The following CNNM4 variants were observed in gnomAD, a reference collection of about 807,000 sequenced individuals.
The protein encoded by CNNM4 is metal transporter CNNM4.
In CNNM4, 32 loss-of-function variants were observed where a neutral mutation model predicts 53.7. The observed-to-expected ratio is 0.60, with a 90% CI of 0.45 to 0.80. The LOEUF is 0.80. Among genes scored for constraint, CNNM4 ranks in the 30% least tolerant of loss-of-function variants. CNNM4 has a pLI of 0.00. For missense variants in CNNM4, 784 were observed against 1,022.0 expected (o/e 0.77, Z 3.17); for synonymous variants, 410 against 440.0 (o/e 0.93, Z 0.85).
At chr2:96,778,465 G>C (rs2078945112) in intron 1 of CNNM4, among the ~76,000 whole-genome samples, 1 of 151,406 alleles carries the variant, frequency 6.6e-6, no homozygotes, top group South Asian at 2.1e-4. Flanking sequence ...GTCTGAGACA[G>C]AGAATTGCTT....
intron 1 of CNNM4, 39 bp from the exon 2 acceptor site, chr2:96,796,973 C>A: frequency 6.2e-7 from 1 of 1,609,218 alleles, no homozygotes; most frequent in Non-Finnish European, 8.5e-7. Flanking sequence ...TCATGACTGG[C>A]CTCTGGGCTC....
chr2:96,766,877 T>C (rs1005064674), intron 1 of CNNM4, among the ~76,000 whole-genome samples: 2 of 152,026 alleles, frequency 1.3e-5, no homozygotes, highest in Admixed American at 1.3e-4. Context: ...CAAAGAAAAA[T>C]GGGTGTTGTG....
intron 1 of CNNM4, among the ~76,000 whole-genome samples, chr2:96,778,365 G>A (rs2078944299): frequency 6.6e-6 from 1 of 151,290 alleles, no homozygotes; most frequent in African/African-American, 2.4e-5. Context: ...AGACCAGCCT[G>A]GCCAAGATGG....
rs1055148450 is a variant in CNNM4 at position 96,797,831 on chromosome 2, T to C, written c.1681+184T>C. On this transcript the variant is annotated intron_variant, in intron 3 of 6. Transcript: ENST00000377075. This position sits in a 1 kb window ranked among gnomAD's most constrained non-coding sequence, Gnocchi z 6.0. ...CCCCTGGGGATCTCCCTGCGATTCA[T>C]TTGCCATTAATGGGCGGCTACTGCA... Among the ~76,000 whole-genome samples the C allele has an allele frequency of 1.3e-5, 2 of 152,182 alleles. No homozygotes were observed. Among genetic ancestry groups the C allele is most frequent in the Admixed American group, 1.3e-4 (2 of 15,280 alleles).
intron 1 of CNNM4, among the ~76,000 whole-genome samples, chr2:96,782,411 CAAAA>C (rs763103436): frequency 2.5e-5 from 2 of 81,144 alleles, no homozygotes; most frequent in African/African-American, 3.9e-5. Flanking sequence ...GACATTGTCT[CAAAA>C]AAAAAAAAAA....
chr2:96,771,127 C>T (rs1480132285), intron 1 of CNNM4, among the ~76,000 whole-genome samples: 2 of 152,116 alleles, frequency 1.3e-5, no homozygotes, highest in Non-Finnish European at 2.9e-5. Context: ...CTCTCAGCCC[C>T]TGTGTCTGCT....
intron 1 of CNNM4, among the ~76,000 whole-genome samples, chr2:96,787,596 G>GC (rs2079026094): frequency 6.6e-6 from 1 of 152,092 alleles, no homozygotes; most frequent in South Asian, 2.1e-4. Context: ...GGTGACTCAC[G>GC]CCTACAGTCC....
In CNNM4 at chr2:96,808,510, G is replaced by C; in HGVS notation, c.1949-51G>C. 1 of 1,592,924 alleles carries C rather than the reference G, an allele frequency of 6.3e-7. No homozygotes were observed. Among genetic ancestry groups the C allele is most frequent in the Non-Finnish European group, 8.6e-7 (1 of 1,161,392 alleles). On this transcript the variant is annotated intron_variant, in intron 5 of 6. Transcript: ENST00000377075. The surrounding 1 kb of genome is among the most constrained non-coding windows in gnomAD (Gnocchi z 4.9). ...GGGATGAGGTGAGACATGAGGGTGA[G>C]AGTGGGCATCGGAGTGGCCTTTGGC... is the stretch of plus-strand genomic sequence containing the variant.
chr2:96,775,814 C>T (rs2078919052), intron 1 of CNNM4, among the ~76,000 whole-genome samples: 1 of 152,192 alleles, frequency 6.6e-6, no homozygotes, highest in Admixed American at 6.6e-5. Context: ...CAGCCCCCAC[C>T]TCCCAGGCTC....
In CNNM4 at chr2:96,805,638, T is replaced by G. The variant is rs1360610487; in HGVS notation, c.1949-2923T>G. Among the ~76,000 whole-genome samples, 1,082 of 117,862 alleles carry G rather than the reference T, an allele frequency of 9.2e-3. 6 individuals carry two copies. The highest frequency in any genetic ancestry group is 0.015 in the Non-Finnish European group (858 of 57,494). 77.3% of individuals were successfully genotyped at this position (117,862 alleles called of 152,430 possible). ...TCCCTGATTACTTGAGATTAGGGAT[T>G]GGTGATGACTCTTAACGAGCATGCT... On this transcript the variant is annotated intron_variant, in intron 5 of 6. Transcript: ENST00000377075.
chr2:96,761,144 A>G lies in CNNM4; in HGVS notation c.145A>G (p.Met49Val), dbSNP rs148013233. The G allele has an allele frequency of 1.9e-6, 3 of 1,605,080 alleles. No individual in the cohort carries two copies. The highest frequency in any genetic ancestry group is 3.3e-5 in the Admixed American group (2 of 59,728). Residue 49 changes from methionine (M) to valine (V), a missense_variant, in exon 1 of 7, where the codon ATG becomes GTG. By Grantham distance (21) the Met-to-Val change is conservative. Transcript: ENST00000377075. This position sits in a 1 kb window ranked among gnomAD's most constrained non-coding sequence, Gnocchi z 6.0. ...CCCCCAGCAGGGCACGATCGTGGGC[A>G]TGAGGCTGGCGAGCTGCAACAAGTC... ...GSPQQGTIVG[M>V]RLASCNKSCG...
intron 1 of CNNM4, among the ~76,000 whole-genome samples, chr2:96,774,706 G>A (rs1020781747): frequency 1.3e-5 from 2 of 152,124 alleles, no homozygotes; most frequent in African/African-American, 4.8e-5. Flanking sequence ...GCTCACGCCT[G>A]TAATCCCAGC....
intron 1 of CNNM4, among the ~76,000 whole-genome samples, chr2:96,765,322 CGCCATGTTGGTCAG>C (rs1283129696): frequency 4.6e-5 from 7 of 151,734 alleles, no homozygotes; most frequent in South Asian, 4.2e-4. Flanking sequence ...GACGGGGTTT[CGCCATGTTGGTCAG>C]GCTGGTCTTG....
chr2:96,765,604 TCTTTCTTTCCC>T (rs976010481), intron 1 of CNNM4, among the ~76,000 whole-genome samples: 1 of 152,118 alleles, frequency 6.6e-6, no homozygotes, highest in African/African-American at 2.4e-5. Context: ...GCCTTTGTAT[TCTTTCTTTCCC>T]CTTTCCAGCA....
chr2:96,774,960 CAAAAAAAAAAAAAAAAAAAA>C (rs56997097), intron 1 of CNNM4, among the ~76,000 whole-genome samples: 13 of 17,690 alleles, frequency 7.3e-4, no homozygotes, highest in Admixed American at 2.1e-3. Context: ...GACTCCATCT[CAAAAAAAAAAAAAAAAAAAA>C]AAAAAAAAAA....
At chr2:96,806,134 C>T (rs1212389819) in intron 5 of CNNM4, among the ~76,000 whole-genome samples, 1 of 143,586 alleles carries the variant, frequency 7.0e-6, no homozygotes, top group Non-Finnish European at 1.5e-5. Context: ...GGGGGCTGAC[C>T]CCCCCACCGC....
At chr2:96,790,360 A>G (rs988437171) in intron 1 of CNNM4, among the ~76,000 whole-genome samples, 7 of 135,830 alleles carry the variant, frequency 5.2e-5, no homozygotes, top group African/African-American at 1.9e-4. Context: ...TTGTTTATTT[A>G]TTTGTTTTTT....
intron 1 of CNNM4, among the ~76,000 whole-genome samples, chr2:96,776,221 G>A (rs1187629958): frequency 6.6e-6 from 1 of 150,806 alleles, no homozygotes; most frequent in Non-Finnish European, 1.5e-5. Flanking sequence ...GTAGAGACGG[G>A]CTTTCACCGT....
chr2:96,784,737 C>A (rs777682480), intron 1 of CNNM4, among the ~76,000 whole-genome samples: 8 of 152,188 alleles, frequency 5.3e-5, no homozygotes, highest in Non-Finnish European at 1.2e-4. Context: ...TGGGCCTTAG[C>A]TTCCTCCTAG....
Sources: allele counts gnomAD v4.1 joint callset (sites outside exome capture counted in the v4.1 genomes callset), GRCh38; gene constraint gnomAD v4.1.1; non-coding constraint Gnocchi (gnomAD v3.1); transcripts MANE v1.5; gene names NCBI Gene and HGNC (gene_info 2026-07-23, HGNC 2026-07-21).